The following MICAL3 variants were observed in gnomAD, a reference collection of about 807,000 sequenced individuals.
MICAL3 encodes microtubule associated monooxygenase, calponin and LIM domain containing 3, also known as [F-actin]-monooxygenase MICAL3.
MICAL3 carries 62 observed loss-of-function variants against 207.4 expected under a neutral mutation model. The ratio of observed to expected loss-of-function variants is 0.30; its 90% CI spans 0.24 to 0.37. MICAL3 has a LOEUF of 0.37. Ranked by LOEUF, MICAL3 falls within the 10% of genes least tolerant of loss-of-function variation. The probability of loss-of-function intolerance (pLI) is 1.00; values close to 1 mark genes in which losing one functional copy is unlikely to be tolerated. For missense variants in MICAL3, 2,368 were observed against 2,635.6 expected (o/e 0.90, Z 2.22); for synonymous variants, 1,077 against 1,069.3 (o/e 1.01, Z -0.14).
At chr22:17,863,246 G>A (rs757907312) in intron 19 of MICAL3, 2 of 985,258 alleles carry the variant, frequency 2.0e-6, no homozygotes, top group Non-Finnish European at 2.4e-6. Context: ...TTTAAAAAAT[G>A]TTCTGTACTC....
intron 1 of MICAL3, among the ~76,000 whole-genome samples, chr22:17,908,411 C>T (rs1316527961): frequency 6.6e-6 from 1 of 152,104 alleles, no homozygotes; most frequent in Non-Finnish European, 1.5e-5. Flanking sequence ...GGGTTCACTC[C>T]GTTCTCCTGC....
In MICAL3 at chr22:17,879,362, C is replaced by T. The variant is rs199719950; in HGVS notation, c.2241+6516G>A. 5 of 1,611,952 alleles carry T rather than the reference C, an allele frequency of 3.1e-6. No homozygotes were observed. The Admixed American group carries it at 6.7e-5, about 22-fold the overall frequency. On this transcript the variant is annotated intron_variant, in intron 16 of 31. Coordinates refer to ENST00000441493, the MANE Select transcript of MICAL3 (RefSeq NM_015241.3). Reference sequence around the variant, plus strand: ...CTCTTTTACCCTCTCATGGTGGGGGCTCTGCTTGCCACGGTTGTCAGCATC... The same window carrying T: ...CTCTTTTACCCTCTCATGGTGGGGGTTCTGCTTGCCACGGTTGTCAGCATC...
rs187142896 is a variant in MICAL3, at chr22:17,972,446, C to A, written c.-75+51835G>T. 8.7e-4 allele frequency among the ~76,000 whole-genome samples: 132 copies of A among 152,326 alleles called. 1 individual carries two copies. Among genetic ancestry groups the A allele is most frequent in the African/African-American group, 3.1e-3 (129 of 41,578 alleles). On this transcript the variant is annotated intron_variant, in intron 1 of 31. Transcript: ENST00000441493. ...GCTACCTGGGAGGGTGGACCAGGCA[C>A]ACGCAACAGGTGAACGGACGTACGG...
intron 29 of MICAL3, among the ~76,000 whole-genome samples, chr22:17,797,796 C>T (rs1418662050): frequency 6.6e-6 from 1 of 152,256 alleles, no homozygotes; most frequent in Non-Finnish European, 1.5e-5. Context: ...GCCACCAACG[C>T]TAACCACGTG....
intron 1 of MICAL3, among the ~76,000 whole-genome samples, chr22:17,931,887 T>C (rs146931506): frequency 6.6e-6 from 1 of 152,278 alleles, no homozygotes; most frequent in Non-Finnish European, 1.5e-5. Context: ...ATTTGGCACA[T>C]TATTTATTGA....
intron 19 of MICAL3, among the ~76,000 whole-genome samples, chr22:17,845,629 G>A (rs1020531268): frequency 6.6e-6 from 1 of 152,128 alleles, no homozygotes; most frequent in Admixed American, 6.5e-5. Context: ...TGCAAATGAA[G>A]TAACTGAAGT....
chr22:17,817,396 G>A lies in MICAL3; in HGVS notation c.5265C>T (p.Ala1755=), dbSNP rs1337462474. 17 of 1,613,134 alleles carry A rather than the reference G, an allele frequency of 1.1e-5. No homozygotes were observed. The highest frequency in any genetic ancestry group is 5.3e-5 in the African/African-American group (4 of 75,042). The change falls in exon 26 of 32, where the codon GCC becomes GCT. Residue 1755 remains alanine, a synonymous_variant. Coordinates refer to ENST00000441493, the MANE Select transcript of MICAL3 (RefSeq NM_015241.3). The part of the protein sequence containing the change: ...SGYKKDKKKK[A]DDKSCPSTPS... The stretch of plus-strand genomic sequence containing the variant: ...GGGTGCTGGGGCAGGACTTGTCGTC[G>A]GCCTTCTTCTTCTTGTCCTTCTTGT...
chr22:17,886,961 C>G (rs1929935602), intron 15 of MICAL3, among the ~76,000 whole-genome samples: 1 of 119,494 alleles, frequency 8.4e-6, no homozygotes. Context: ...ATACTCCAGC[C>G]TGGGCAATGG....
At chr22:17,854,118 C>T (rs946521387) in intron 19 of MICAL3, among the ~76,000 whole-genome samples, 16 of 152,200 alleles carry the variant, frequency 1.1e-4, no homozygotes, top group Admixed American at 1.0e-3. Context: ...AATGTCATGT[C>T]CTTTCTTCTA....
intron 1 of MICAL3, among the ~76,000 whole-genome samples, chr22:18,000,042 G>C (rs753121203): frequency 6.6e-6 from 1 of 152,178 alleles, no homozygotes. Context: ...TGTGCGGCCA[G>C]GTAACCAGAA....
chr22:18,014,809 C>T (rs1923951132), intron 1 of MICAL3, among the ~76,000 whole-genome samples: 2 of 152,074 alleles, frequency 1.3e-5, no homozygotes, highest in South Asian at 2.1e-4. Context: ...CTAGCTAACA[C>T]GGTGAAACCC....
chr22:17,921,657 T>G (rs537449321), intron 1 of MICAL3, among the ~76,000 whole-genome samples: 134 of 152,154 alleles, frequency 8.8e-4, no homozygotes, highest in Non-Finnish European at 1.7e-3. Flanking sequence ...CCTGGATAAT[T>G]TTCATATTTT....
At chr22:17,883,366 C>T (rs1345370122) in intron 16 of MICAL3, among the ~76,000 whole-genome samples, 2 of 152,100 alleles carry the variant, frequency 1.3e-5, no homozygotes, top group Non-Finnish European at 2.9e-5. Context: ...AACATTTTTG[C>T]CTGAATGTAA....
intron 1 of MICAL3, among the ~76,000 whole-genome samples, chr22:17,973,710 G>A (rs1569152977): frequency 6.6e-6 from 1 of 152,250 alleles, no homozygotes; most frequent in South Asian, 2.1e-4. Flanking sequence ...AGGAAGATGA[G>A]TTGAGCCCGG....
chr22:17,816,424 G>A (rs1921008124), intron 27 of MICAL3, among the ~76,000 whole-genome samples: 1 of 152,252 alleles, frequency 6.6e-6, no homozygotes, highest in African/African-American at 2.4e-5. Context: ...GAGAAGGGGA[G>A]TGTGACACAG....
At chr22:18,011,423 T>C (rs1014987076) in intron 1 of MICAL3, among the ~76,000 whole-genome samples, 29 of 152,116 alleles carry the variant, frequency 1.9e-4, no homozygotes, top group African/African-American at 6.7e-4. Flanking sequence ...CACACGCCTG[T>C]AATCCCAGCT....
chr22:17,830,881 C>T (rs1240943074), intron 21 of MICAL3, among the ~76,000 whole-genome samples: 1 of 152,232 alleles, frequency 6.6e-6, no homozygotes, highest in Non-Finnish European at 1.5e-5. Flanking sequence ...CATCCTGGAG[C>T]TGCACAGCTC....
At chr22:17,937,227 T>A (rs1569139142) in intron 1 of MICAL3, among the ~76,000 whole-genome samples, 1 of 152,222 alleles carries the variant, frequency 6.6e-6, no homozygotes, top group Admixed American at 6.5e-5. Flanking sequence ...TTACTACTTT[T>A]AAGTATGCCA....
rs547272407 is a variant in MICAL3 at position 17,808,595 on chromosome 22, G to A, written c.5650+249C>T. On this transcript the variant is annotated intron_variant, in intron 29 of 31. Coordinates refer to ENST00000441493, the MANE Select transcript of MICAL3 (RefSeq NM_015241.3). ...AGCCAGCGCTCGCCATCAGCATGCC[G>A]GGGACTGAGTTTCACTCTATGGGAA... Among the ~76,000 whole-genome samples the A allele has an allele frequency of 1.8e-4, 28 of 152,322 alleles. 1 individual carries two copies. Among genetic ancestry groups the A allele is most frequent in the South Asian group, 4.1e-4 (2 of 4,832 alleles).
Sources: allele counts gnomAD v4.1 joint callset (sites outside exome capture counted in the v4.1 genomes callset), GRCh38; gene constraint gnomAD v4.1.1; transcripts MANE v1.5; gene names NCBI Gene and HGNC (gene_info 2026-07-23, HGNC 2026-07-21).